ALAS2: variants seen among roughly 807,000 people sequenced by gnomAD.
ALAS2 encodes the protein 5'-aminolevulinate synthase 2.
ALAS2 carries 3 observed loss-of-function variants against 33.7 expected under a neutral mutation model. That is an observed-to-expected ratio of 0.09 (90% CI 0.04 to 0.23). The LOEUF (loss-of-function observed/expected upper bound fraction) is 0.23, where lower values mean the gene tolerates loss of function less well. Among genes scored for constraint, ALAS2 ranks in the 10% least tolerant of loss-of-function variants. ALAS2 has a pLI of 1.00. For missense variants in ALAS2, 304 were observed against 475.1 expected, an observed-to-expected ratio of 0.64 and a Z score of 3.35; for synonymous variants, 191 against 177.3, an observed-to-expected ratio of 1.08 and a Z score of -0.61.
chrX:55,017,602 C>T lies in ALAS2; in HGVS notation c.887G>A (p.Gly296Glu), dbSNP rs1288697630. The change falls in exon 7 of 11, where the codon GGA becomes GAA. Residue 296 changes from glycine to glutamate, a missense_variant. Around this residue, in one of 3 missense-constraint regions of ALAS2, gnomAD observed 138 missense variants for 265.3 expected, o/e 0.52. Coordinates refer to ENST00000650242, the MANE Select transcript of ALAS2 (RefSeq NM_000032.5). ...GTGCCTGAAGACAAACTTGGCTGCT[C>T]CACTGTTACGGATACCTTGGATCAT... ...ASMIQGIRNS[G>E]AAKFVFRHND... 3.3e-6 allele frequency: 4 copies of T among 1,209,642 alleles called. No homozygotes were observed. The African/African-American group carries it at 7.0e-5, about 21-fold the overall frequency.
At chrX:55,026,505 C>T (rs1410134912) in intron 1 of ALAS2, among the ~76,000 whole-genome samples, 2 of 108,790 alleles carry the variant, frequency 1.8e-5, no homozygotes, top group Non-Finnish European at 3.8e-5. Flanking sequence ...CAGGATCAGC[C>T]AGAGGGGAGA....
At chrX:55,019,061 A>G (rs1485011925) in intron 6 of ALAS2, among the ~76,000 whole-genome samples, 1 of 111,330 alleles carries the variant, frequency 9.0e-6, no homozygotes, top group Non-Finnish European at 1.9e-5. Context: ...GAGGTGAGGA[A>G]GTAGATAGTA....
In ALAS2 at chrX:55,009,268, C is replaced by T. The variant is rs145704441; in HGVS notation, c.1676G>A (p.Arg559His). The T allele has an allele frequency of 2.5e-3, 2,991 of 1,203,790 alleles. 5 individuals are homozygous for T. The highest frequency in any genetic ancestry group is 2.9e-3 in the Admixed American group (129 of 45,075). The stretch of plus-strand genomic sequence containing the variant: ...CATGAGCTCAAAGTGTACAGGACGG[C>T]GACAGAAATTGCAGGCAGCCACAGA... Reference protein sequence around the residue: ...DVSVAACNFCRRPVHFELMSE... With the variant: ...DVSVAACNFCHRPVHFELMSE... Residue 559 changes from arginine (R) to histidine (H), a missense_variant, in exon 11 of 11, where the codon CGC becomes CAC. Transcript: ENST00000650242.
At chrX:55,020,278 G>A (rs1446046690) in intron 6 of ALAS2, 42 bp downstream of exon 6, 5 of 1,162,757 alleles carry the variant, frequency 4.3e-6, no homozygotes, top group Middle Eastern at 2.4e-4. Context: ...ATGCTGTATT[G>A]CAGGATACCA....
chrX:55,026,100 C>T (rs1935889025), intron 1 of ALAS2, 85 bp from the exon 2 acceptor site: 1 of 922,970 alleles, frequency 1.1e-6, no homozygotes, highest in Non-Finnish European at 1.5e-6. Context: ...CAGCTTCCCA[C>T]CCAAAACTTG....
chrX:55,011,288 A>G lies in ALAS2; in HGVS notation c.1601-1945T>C, dbSNP rs779599691. On this transcript the variant is annotated intron_variant, in intron 10 of 10. Coordinates refer to ENST00000650242, the MANE Select transcript of ALAS2 (RefSeq NM_000032.5). ...ATTTGTTTATATATTATATACATGT[A>G]TAACTGTCAGTCTGTATATTAAAGA... is the stretch of plus-strand genomic sequence containing the variant. 5.1e-4 allele frequency among the ~76,000 whole-genome samples: 57 copies of G among 112,270 alleles called. 1 individual carries two copies. Among genetic ancestry groups the G allele is most frequent in the Non-Finnish European group, 9.0e-4 (48 of 53,310 alleles).
chrX:55,023,426 TG>T (rs1446014663), intron 4 of ALAS2, among the ~76,000 whole-genome samples: 1 of 110,979 alleles, frequency 9.0e-6, no homozygotes, highest in Non-Finnish European at 1.9e-5. Context: ...GAAAAGGTGC[TG>T]TATGAAGGGT....
At chrX:55,018,611 T>A (rs979254706) in intron 6 of ALAS2, among the ~76,000 whole-genome samples, 3 of 111,601 alleles carry the variant, frequency 2.7e-5, no homozygotes, top group Non-Finnish European at 5.6e-5. Flanking sequence ...AATGAGTATA[T>A]GAATGAATGT....
chrX:55,022,274 A>C (rs1366896618), intron 4 of ALAS2, among the ~76,000 whole-genome samples: 1 of 112,015 alleles, frequency 8.9e-6, no homozygotes, highest in Non-Finnish European at 1.9e-5. Context: ...ACATATCAAA[A>C]GTTTTTTAAA....
At chrX:55,029,563 A>G (rs1001592312) in intron 1 of ALAS2, among the ~76,000 whole-genome samples, 1 of 111,511 alleles carries the variant, frequency 9.0e-6, no homozygotes, top group Non-Finnish European at 1.9e-5. Flanking sequence ...GCCTGACTCT[A>G]GACATTTATC....
intron 10 of ALAS2, among the ~76,000 whole-genome samples, chrX:55,010,104 A>T (rs1402262791): frequency 9.0e-6 from 1 of 111,456 alleles, no homozygotes; most frequent in African/African-American, 3.3e-5. Context: ...CAGTCCAAAA[A>T]TTTCAGAGCT....
At chrX:55,015,822 G>T in intron 7 of ALAS2, 80 bp from the exon 8 acceptor site, 1 of 1,106,088 alleles carries the variant, frequency 9.0e-7, no homozygotes, top group Non-Finnish European at 1.2e-6. Flanking sequence ...TCCCATACAT[G>T]CCTACTTTGG....
rs757109686 is a variant in ALAS2, at chrX:55,012,109, G to A, written c.1600+1377C>T. Among the ~76,000 whole-genome samples, 3 of 111,755 alleles carry A rather than the reference G, an allele frequency of 2.7e-5. No individual in the cohort carries two copies. The East Asian group carries it at 8.4e-4, about 31-fold the overall frequency. On this transcript the variant is annotated intron_variant, in intron 10 of 10. Coordinates refer to ENST00000650242, the MANE Select transcript of ALAS2 (RefSeq NM_000032.5). ...TAATGTTTTTGAATGAATGAATGGCGCCTACCTAGCTTGTCTTCCTTGAAT... is the reference window on the plus strand; with the variant it reads ...TAATGTTTTTGAATGAATGAATGGCACCTACCTAGCTTGTCTTCCTTGAAT...
At chrX:55,013,368 A>G (rs895392948) in intron 10 of ALAS2, 118 bp downstream of exon 10, 7 of 791,552 alleles carry the variant, frequency 8.8e-6, no homozygotes, top group East Asian at 6.9e-5. Context: ...GTGCTGGCAC[A>G]CATTAGATGT....
At chrX:55,028,191 G>T (rs1471459791) in intron 1 of ALAS2, among the ~76,000 whole-genome samples, 1 of 111,054 alleles carries the variant, frequency 9.0e-6, no homozygotes, top group Non-Finnish European at 1.9e-5. Context: ...GGCTGAGCCT[G>T]CAGACCACAG....
At chrX:55,023,191 G>GGGGTGT (rs1338997183) in intron 4 of ALAS2, among the ~76,000 whole-genome samples, 2 of 98,711 alleles carry the variant, frequency 2.0e-5, no homozygotes, top group African/African-American at 7.3e-5. Flanking sequence ...GAGAGCAGAG[G>GGGGTGT]GTGTGTGTGT....
chrX:55,024,973 T>C (rs1935868593), intron 2 of ALAS2, 133 bp from the exon 3 acceptor site: 4 of 866,300 alleles, frequency 4.6e-6, no homozygotes, highest in Non-Finnish European at 6.7e-6. Flanking sequence ...TAGATGAGTC[T>C]GGTCCCTGTG....
At position 55,020,347 on chromosome X, in the gene ALAS2, G is replaced by C; in HGVS notation, c.796C>G (p.Leu266Val). The C allele has an allele frequency of 4.1e-6, 5 of 1,209,890 alleles. No homozygotes were observed. The highest frequency in any genetic ancestry group is 4.5e-6 in the Non-Finnish European group (4 of 894,883). ...SSCFVANDST[L>V]FTLAKILPGC... ...GGCAGGATCTTGGCCAAGGTGAAGA[G>C]AGTAGAGTCATTGGCAACAAAGCAG... The change falls in exon 6 of 11, where the codon CTC becomes GTC. Residue 266 changes from leucine (L) to valine (V), a missense_variant. By Grantham distance (32) the Leu-to-Val change is conservative (BLOSUM62 1). This residue lies in a region of ALAS2 where 138 missense variants were observed against 265.3 expected (regional missense o/e 0.52). Coordinates refer to ENST00000650242, the MANE Select transcript of ALAS2 (RefSeq NM_000032.5).
At position 55,021,181 on chromosome X, in the gene ALAS2, C is replaced by A; in HGVS notation, c.509G>T (p.Arg170Leu). Residue 170 changes from arginine to leucine, a missense_variant, in exon 5 of 11, where the codon CGC (arginine) becomes CTC (leucine). Transcript: ENST00000650242. ...HTYRVFKTVNRWADAYPFAQH... is the reference protein window; with the variant it reads ...HTYRVFKTVNLWADAYPFAQH... ...GGCAAAGGGATATGCATCAGCCCAGCGGTTCACAGTCTTGAACACACGGTA... is the reference window on the plus strand; with the variant it reads ...GGCAAAGGGATATGCATCAGCCCAGAGGTTCACAGTCTTGAACACACGGTA... 8.3e-7 allele frequency: 1 copy of A among 1,211,381 alleles called. No individual in the cohort carries two copies. Among genetic ancestry groups the A allele is most frequent in the African/African-American group, 1.7e-5 (1 of 57,827 alleles).
Sources: gnomAD v4.1 joint callset for allele counts (sites outside exome capture counted in the v4.1 genomes callset) on GRCh38, gnomAD v4.1.1 for gene constraint, gnomAD v4.1.1 regional missense constraint, MANE v1.5 for transcripts, NCBI Gene and HGNC (gene_info 2026-07-23, HGNC 2026-07-21) for gene names.